The following PHACTR1 variants were observed in gnomAD, a reference collection of about 807,000 sequenced individuals.
The protein encoded by PHACTR1 is phosphatase and actin regulator 1.
Under a neutral mutation model 69.2 loss-of-function variants are expected in PHACTR1, and 16 were observed. The observed-to-expected ratio is 0.23, with a 90% CI of 0.16 to 0.35. The LOEUF is 0.35. Ranked by LOEUF, PHACTR1 falls within the 10% of genes least tolerant of loss-of-function variation. PHACTR1 has a pLI of 1.00. For synonymous variants in PHACTR1, 312 were observed against 284.5 expected (o/e 1.10, Z -0.97); for missense variants, 510 against 734.7 (o/e 0.69, Z 3.54).
chr6:12,850,637 C>T (rs1434859441), intron 4 of PHACTR1, among the ~76,000 whole-genome samples: 1 of 152,226 alleles, frequency 6.6e-6, no homozygotes, highest in Non-Finnish European at 1.5e-5. Context: ...TTGTCTGAGT[C>T]TGAAACCAAG....
chr6:12,782,533 G>A (rs1360635017), intron 4 of PHACTR1, among the ~76,000 whole-genome samples: 2 of 152,180 alleles, frequency 1.3e-5, no homozygotes, highest in African/African-American at 4.8e-5. Flanking sequence ...GCTGGAAAAT[G>A]TAAATTTTCC....
intron 4 of PHACTR1, among the ~76,000 whole-genome samples, chr6:12,861,871 T>C (rs1780977073): frequency 6.6e-6 from 1 of 152,180 alleles, no homozygotes; most frequent in African/African-American, 2.4e-5. Context: ...TAAATACATA[T>C]ATACACAAAA....
At chr6:13,096,529 TTAATA>T (rs1455690173) in intron 5 of PHACTR1, among the ~76,000 whole-genome samples, 2 of 152,188 alleles carry the variant, frequency 1.3e-5, no homozygotes, top group African/African-American at 4.8e-5. Context: ...TGAGTACAGA[TTAATA>T]TAATATTAGT....
intron 4 of PHACTR1, among the ~76,000 whole-genome samples, chr6:12,839,768 G>C (rs1778509790): frequency 6.6e-6 from 1 of 152,120 alleles, no homozygotes. Context: ...AAGATCAATT[G>C]TCTATGGCAT....
intron 4 of PHACTR1, among the ~76,000 whole-genome samples, chr6:13,025,675 G>GTGTGTA (rs1444243431): frequency 2.6e-4 from 37 of 144,540 alleles, no homozygotes; most frequent in African/African-American, 8.3e-4. Context: ...TATTATTTGT[G>GTGTGTA]TGTGTGTGTG....
intron 4 of PHACTR1, among the ~76,000 whole-genome samples, chr6:12,773,574 T>C (rs1769660800): frequency 6.6e-6 from 1 of 152,162 alleles, no homozygotes; most frequent in East Asian, 1.9e-4. Context: ...AATAATCATA[T>C]GTAATAGAAC....
intron 10 of PHACTR1, among the ~76,000 whole-genome samples, chr6:13,254,676 A>T (rs962311301): frequency 3.9e-5 from 6 of 152,184 alleles, no homozygotes; most frequent in African/African-American, 1.4e-4. Flanking sequence ...TTACAACAGA[A>T]CTAATTATAA....
intron 5 of PHACTR1, among the ~76,000 whole-genome samples, chr6:13,115,089 C>T (rs1817614037): frequency 6.6e-6 from 1 of 152,212 alleles, no homozygotes; most frequent in African/African-American, 2.4e-5. Context: ...CTAGGCTAAA[C>T]TGCCTCCCAA....
At chr6:12,727,897 G>A (rs1464534300) in intron 3 of PHACTR1, among the ~76,000 whole-genome samples, 2 of 152,130 alleles carry the variant, frequency 1.3e-5, no homozygotes, top group Admixed American at 1.3e-4. Context: ...ATGAATATTT[G>A]TCTTAAATTG....
At chr6:13,224,021 T>A (rs956226447) in intron 8 of PHACTR1, among the ~76,000 whole-genome samples, 1 of 152,212 alleles carries the variant, frequency 6.6e-6, no homozygotes, top group African/African-American at 2.4e-5. Flanking sequence ...CTTTTGAACA[T>A]GTTTTGCTGA....
chr6:12,904,478 G>A (rs1226502160), intron 4 of PHACTR1, among the ~76,000 whole-genome samples: 1 of 150,738 alleles, frequency 6.6e-6, no homozygotes. Context: ...AGGTTGTGGT[G>A]AGCTGAGATC....
At chr6:12,749,075 G>C (rs1217196943) in intron 3 of PHACTR1, among the ~76,000 whole-genome samples, 1 of 152,232 alleles carries the variant, frequency 6.6e-6, no homozygotes, top group Non-Finnish European at 1.5e-5. Context: ...AGCGGGACCA[G>C]GGCTTGCACC....
At chr6:12,963,232 TAAC>T in intron 4 of PHACTR1, among the ~76,000 whole-genome samples, 1 of 152,246 alleles carries the variant, frequency 6.6e-6, no homozygotes, top group African/African-American at 2.4e-5. Context: ...GAAAAAGTAA[TAAC>T]AAGAGTAGAG....
intron 5 of PHACTR1, among the ~76,000 whole-genome samples, chr6:13,065,835 C>A (rs1032104610): frequency 6.6e-6 from 1 of 151,902 alleles, no homozygotes; most frequent in Non-Finnish European, 1.5e-5. Flanking sequence ...ATAATCAGAG[C>A]ACTAGTTAGC....
At chr6:12,937,881 A>G (rs1025824153) in intron 4 of PHACTR1, among the ~76,000 whole-genome samples, 1 of 152,232 alleles carries the variant, frequency 6.6e-6, no homozygotes, top group African/African-American at 2.4e-5. Flanking sequence ...CATGCTGATC[A>G]CTTGAGGTCA....
intron 12 of PHACTR1, chr6:13,280,810 A>T: frequency 1.0e-5 from 5 of 488,318 alleles, no homozygotes; most frequent in Non-Finnish European, 3.3e-6. Context: ...TTGGCTGCAA[A>T]GATTATTTTT....
At chr6:12,930,117 C>T (rs1430228303) in intron 4 of PHACTR1, among the ~76,000 whole-genome samples, 1 of 151,610 alleles carries the variant, frequency 6.6e-6, no homozygotes, top group Non-Finnish European at 1.5e-5. Context: ...AATCATGACA[C>T]ACTGCAGCCT....
At chr6:12,849,594 T>C (rs1267785393) in intron 4 of PHACTR1, among the ~76,000 whole-genome samples, 2 of 152,176 alleles carry the variant, frequency 1.3e-5, no homozygotes, top group African/African-American at 4.8e-5. Context: ...GTGCAAGAGC[T>C]AGGGAATGTT....
intron 4 of PHACTR1, among the ~76,000 whole-genome samples, chr6:12,759,410 G>A (rs1467890436): frequency 1.3e-5 from 2 of 150,412 alleles, no homozygotes; most frequent in African/African-American, 2.5e-5. Flanking sequence ...TGGATTTCTC[G>A]GGGCTAATCC....
Sources: allele counts gnomAD v4.1 joint callset (sites outside exome capture counted in the v4.1 genomes callset), GRCh38; gene constraint gnomAD v4.1.1; transcripts MANE v1.5; gene names NCBI Gene and HGNC (gene_info 2026-07-23, HGNC 2026-07-21).